Variants in POLR1A observed in about 807,000 individuals in gnomAD.
The protein encoded by POLR1A is RNA polymerase I subunit A.
Under a neutral mutation model 205.3 loss-of-function variants are expected in POLR1A, and 84 were observed. That is an observed-to-expected ratio of 0.41 (90% CI 0.34 to 0.49). The LOEUF is 0.49. Among genes scored for constraint, POLR1A ranks in the 20% least tolerant of loss-of-function variants. The pLI, the probability that POLR1A is intolerant of heterozygous loss-of-function variation, is 0.22. For synonymous variants in POLR1A, 799 were observed against 863.7 expected, an observed-to-expected ratio of 0.93 and a Z score of 1.31; for missense variants, 1,645 against 2,204.5, an observed-to-expected ratio of 0.75 and a Z score of 5.08.
At position 86,041,914 on chromosome 2, in the gene POLR1A, C is replaced by T. The variant is rs1558765774; in HGVS notation, c.3547G>A (p.Glu1183Lys). 6.2e-7 allele frequency: 1 copy of T among 1,614,052 alleles called. No homozygotes were observed. The highest frequency in any genetic ancestry group is 2.2e-5 in the East Asian group (1 of 44,878). Residue 1183 changes from glutamate (E) to lysine (K), a missense_variant, in exon 24 of 34, where the codon GAG becomes AAG. By Grantham distance (56) the Glu-to-Lys change is moderately conservative (BLOSUM62 1). This residue lies in a region of POLR1A where 201 missense variants were observed against 222.3 expected (regional missense o/e 0.90). Coordinates refer to ENST00000263857, the MANE Select transcript of POLR1A (RefSeq NM_015425.6). ...EWAAQTEKSYEKSELSLDRLR... is the reference protein window; with the variant it reads ...EWAAQTEKSYKKSELSLDRLR... The stretch of plus-strand genomic sequence containing the variant: ...CTGTCGAGAGAAAGCTCTGATTTCT[C>T]ATAACTCTTCTCTGTTTGAGCTGCC...
At chr2:86,095,269 G>A (rs1673683790) in intron 3 of POLR1A, among the ~76,000 whole-genome samples, 1 of 152,192 alleles carries the variant, frequency 6.6e-6, no homozygotes, top group Non-Finnish European at 1.5e-5. Flanking sequence ...GAAGAGGAAA[G>A]GGGAACAACT....
rs762040087 is a variant in POLR1A at position 86,054,305 on chromosome 2, G to A, written c.2059-16C>T. 3.1e-4 allele frequency: 499 copies of A among 1,611,186 alleles called. 4 individuals carry two copies. The highest frequency in any genetic ancestry group is 1.5e-4 in the Non-Finnish European group (175 of 1,177,894). Reference sequence around the variant, plus strand: ...TTGACACAACCTGCAAAGAAAAAGAGGACAAACTGATGGCAAAAAGAAAAG... The same window carrying A: ...TTGACACAACCTGCAAAGAAAAAGAAGACAAACTGATGGCAAAAAGAAAAG... On this transcript the variant is annotated splice_polypyrimidine_tract_variant and intron_variant, in intron 14 of 33. Coordinates refer to ENST00000263857, the MANE Select transcript of POLR1A (RefSeq NM_015425.6).
intron 24 of POLR1A, 21 bp downstream of exon 24, chr2:86,041,868 G>A (rs142005002): frequency 5.6e-6 from 9 of 1,596,914 alleles, no homozygotes; most frequent in East Asian, 2.2e-5. Context: ...CACATGTTGT[G>A]CAACAAATCA....
Position 86,021,850 on chromosome 2 carries a change from G to C in POLR1A, c.*5573C>G, listed in dbSNP as rs1690145148. 1 of 151,954 alleles carries C rather than the reference G, an allele frequency of 6.6e-6. No individual in the cohort carries two copies. The highest frequency in any genetic ancestry group is 6.6e-5 in the Admixed American group (1 of 15,266). The allele number at this position is 151,954 out of a possible 1,614,324, so 9.4% of individuals were successfully genotyped here. A position where few individuals can be genotyped will look rare whatever the true frequency, so the allele number is the denominator to read the frequency against. ...ATTGAGTCCAACTTGCGCGAAGATA[G>C]TCACTGGGGAGCTGCAGTGACACCT... On this transcript the variant is annotated 3_prime_UTR_variant, in exon 34 of 34. Coordinates refer to ENST00000263857, the MANE Select transcript of POLR1A (RefSeq NM_015425.6).
chr2:86,027,538 A>G lies in POLR1A; in HGVS notation c.5063-15T>C, dbSNP rs1203918447. 3 of 1,599,794 alleles carry G rather than the reference A, an allele frequency of 1.9e-6. No homozygotes were observed. In the African/African-American group the frequency reaches 4.0e-5, roughly 21 times the overall value. On this transcript the variant is annotated splice_polypyrimidine_tract_variant and intron_variant, in intron 33 of 33. Transcript: ENST00000263857. The stretch of plus-strand genomic sequence containing the variant: ...ATCGTGGGATCCTGACAGAGACACA[A>G]AAACATGTGTCAGGGTGTTGAGGTA...
chr2:86,034,589 G>C (rs948832354), intron 27 of POLR1A, among the ~76,000 whole-genome samples: 4 of 152,038 alleles, frequency 2.6e-5, no homozygotes, highest in Admixed American at 2.0e-4. Context: ...GTAACCCCCT[G>C]CCTGTCTTTT....
In POLR1A at chr2:86,030,272, G is replaced by A. The variant is rs1672361031; in HGVS notation, c.4703C>T (p.Thr1568Ile). 6.2e-7 allele frequency: 1 copy of A among 1,614,084 alleles called. No homozygotes were observed. The highest frequency in any genetic ancestry group is 8.5e-7 in the Non-Finnish European group (1 of 1,180,030). Residue 1568 changes from threonine to isoleucine, a missense_variant, in exon 31 of 34, where the codon ACC becomes ATC. Around this residue, in one of 16 missense-constraint regions of POLR1A, gnomAD observed 394 missense variants for 468.5 expected, o/e 0.84. Coordinates refer to ENST00000263857, the MANE Select transcript of POLR1A (RefSeq NM_015425.6). ...AAGCTCCTTCTCGTTCTTATTGTTG[G>A]TTGTTTCATTCAGGAGGCACCGAGT... ...GITRCLLNET[T>I]NNKNEKELVL...
intron 11 of POLR1A, among the ~76,000 whole-genome samples, chr2:86,076,447 G>A (rs1053812150): frequency 2.0e-5 from 3 of 152,224 alleles, no homozygotes; most frequent in Non-Finnish European, 4.4e-5. Context: ...TTATATGGGA[G>A]CACATTAGTC....
At chr2:86,085,999 AGCTGACAGC>A (rs1673497667) in intron 6 of POLR1A, among the ~76,000 whole-genome samples, 1 of 152,034 alleles carries the variant, frequency 6.6e-6, no homozygotes, top group East Asian at 1.9e-4. Flanking sequence ...GCATTTCACA[AGCTGACAGC>A]GCTCCTTGTG....
chr2:86,038,101 T>C (rs1291856042), intron 27 of POLR1A, among the ~76,000 whole-genome samples: 1 of 152,356 alleles, frequency 6.6e-6, no homozygotes, highest in East Asian at 1.9e-4. Flanking sequence ...GAACTCAGCA[T>C]TGTGGCCTCT....
intron 6 of POLR1A, among the ~76,000 whole-genome samples, chr2:86,087,422 A>G (rs1030602429): frequency 6.6e-6 from 1 of 152,188 alleles, no homozygotes; most frequent in South Asian, 2.1e-4. Flanking sequence ...AACTTCCTCA[A>G]TTCTAGGCAA....
chr2:86,041,149 C>CTG (rs756415592), intron 24 of POLR1A, among the ~76,000 whole-genome samples: 7,133 of 122,034 alleles, frequency 0.058, 192 homozygotes, highest in East Asian at 0.098. Context: ...CTGAGCTACA[C>CTG]TGTGTGTGTG....
chr2:86,084,913 T>C (rs1673475305), intron 6 of POLR1A, among the ~76,000 whole-genome samples: 2 of 152,180 alleles, frequency 1.3e-5, no homozygotes, highest in Non-Finnish European at 1.5e-5. Flanking sequence ...AATTAACAAA[T>C]GCACCATAAT....
intron 27 of POLR1A, among the ~76,000 whole-genome samples, chr2:86,035,723 GGCCA>G (rs893179083): frequency 8.5e-5 from 13 of 152,144 alleles, no homozygotes; most frequent in Non-Finnish European, 1.6e-4. Flanking sequence ...TAACTTCCCT[GGCCA>G]ATATCTACCT....
rs772369130 is a variant in POLR1A at position 86,043,079 on chromosome 2, C to T, written c.3252G>A (p.Leu1084=). The change falls in exon 23 of 34, where the codon CTG becomes CTA. Residue 1084 remains leucine, a synonymous_variant. Transcript: ENST00000263857. ...AATAACTCAAGAAGGCGCCTCTTCT[C>T]AGCAGGGTGTTGGGGTGCTTGCTTT... The part of the protein sequence containing the change: ...KWQSKHPNTL[L]RRGAFLSYSQ... 12 of 1,614,180 alleles carry T rather than the reference C, an allele frequency of 7.4e-6. No homozygotes were observed. In the East Asian group the frequency reaches 2.7e-4, roughly 36 times the overall value.
chr2:86,088,921 A>C, intron 4 of POLR1A, 51 bp from the exon 5 acceptor site: 5 of 1,272,450 alleles, frequency 3.9e-6, no homozygotes, highest in Non-Finnish European at 5.7e-6. Flanking sequence ...TTTGAAGAGA[A>C]TCCAATATAT....
In POLR1A at chr2:86,047,173, T is replaced by A; in HGVS notation, c.2725A>T (p.Thr909Ser). 1 of 1,613,552 alleles carries A rather than the reference T, an allele frequency of 6.2e-7. No individual in the cohort carries two copies. The highest frequency in any genetic ancestry group is 1.1e-5 in the South Asian group (1 of 91,068). The change falls in exon 19 of 34, where the codon ACG (threonine) becomes TCG (serine). Residue 909 changes from threonine to serine, a missense_variant. Transcript: ENST00000263857. ...QSGAKGSTVN[T>S]MQISCLLGQI... The stretch of plus-strand genomic sequence containing the variant: ...CCCGCCTCTGCACATACCTGCATCG[T>A]GTTCACAGTTGAACCTTTGGCTCCC...
intron 3 of POLR1A, among the ~76,000 whole-genome samples, chr2:86,096,135 A>C (rs1449245543): frequency 6.6e-6 from 1 of 152,176 alleles, no homozygotes; most frequent in Non-Finnish European, 1.5e-5. Flanking sequence ...GCACTTTTAT[A>C]CACAAACAAT....
chr2:86,048,935 A>G lies in POLR1A; in HGVS notation c.2583T>C (p.Ile861=), dbSNP rs779401379. The G allele has an allele frequency of 9.9e-6, 16 of 1,614,090 alleles. No individual in the cohort carries two copies. ...TCACTTCCTCCTTGAACTTCAGATCAATCATGTTAAAATCCCTCTGGTCCT... is the reference window on the plus strand; with the variant it reads ...TCACTTCCTCCTTGAACTTCAGATCGATCATGTTAAAATCCCTCTGGTCCT... The part of the protein sequence containing the change: ...LGKDQRDFNM[I]DLKFKEEVNH... The change falls in exon 18 of 34, where the codon ATT becomes ATC. Residue 861 remains isoleucine, a synonymous_variant. Transcript: ENST00000263857.
Sources: allele counts gnomAD v4.1 joint callset (sites outside exome capture counted in the v4.1 genomes callset), GRCh38; gene constraint gnomAD v4.1.1; regional missense constraint gnomAD v4.1.1; transcripts MANE v1.5; gene names NCBI Gene and HGNC (gene_info 2026-07-23, HGNC 2026-07-21).